Variants in TBCD observed in about 807,000 individuals in gnomAD.
TBCD encodes tubulin-specific chaperone D.
A neutral mutation model predicts 169.3 loss-of-function variants in TBCD; 105 were observed. The ratio of observed to expected loss-of-function variants is 0.62; its 90% CI spans 0.53 to 0.73. The LOEUF (loss-of-function observed/expected upper bound fraction) is 0.73. Ranked by LOEUF, TBCD falls within the 30% of genes least tolerant of loss-of-function variation. TBCD has a pLI of 0.00. For synonymous variants in TBCD, 700 were observed against 643.9 expected, an observed-to-expected ratio of 1.09 and a Z score of -1.32; for missense variants, 1,444 against 1,600.1, an observed-to-expected ratio of 0.90 and a Z score of 1.66.
At chr17:82,937,934 T>C (rs776120130) in intron 35 of TBCD, 115 bp from the exon 36 acceptor site, 1 of 1,544,430 alleles carries the variant, frequency 6.5e-7, no homozygotes, top group South Asian at 1.2e-5. Context: ...AGGCCCGCAC[T>C]GTGCTCACGG....
chr17:82,861,436 G>A (rs2056759192), intron 13 of TBCD, among the ~76,000 whole-genome samples: 1 of 152,224 alleles, frequency 6.6e-6, no homozygotes, highest in African/African-American at 2.4e-5. Context: ...TTGGGGGATG[G>A]ATCAGTGGAT....
chr17:82,821,906 T>A (rs1394045501), intron 13 of TBCD, among the ~76,000 whole-genome samples: 2 of 152,194 alleles, frequency 1.3e-5, no homozygotes. Context: ...TTCGAAAAAA[T>A]TTTAATAAAC....
In TBCD at chr17:82,816,425, G is replaced by A. The variant is rs185937033; in HGVS notation, c.1318+1491G>A. 9.2e-5 allele frequency among the ~76,000 whole-genome samples: 14 copies of A among 152,284 alleles called. No individual in the cohort carries two copies. The East Asian group carries it at 1.7e-3, about 19-fold the overall frequency. On this transcript the variant is annotated intron_variant, in intron 13 of 38. Transcript: ENST00000355528. ...ATGCTGGGTCATACGGTAACTCCAC[G>A]TTTAACTTTCTAAGAACCTGCCAAA...
intron 13 of TBCD, among the ~76,000 whole-genome samples, chr17:82,863,467 A>G (rs555485505): frequency 1.2e-4 from 18 of 152,294 alleles, no homozygotes; most frequent in African/African-American, 4.1e-4. Context: ...AAAAATTGCA[A>G]ATGATCTGTG....
chr17:82,804,786 C>A (rs2050831571), intron 9 of TBCD, among the ~76,000 whole-genome samples: 1 of 152,198 alleles, frequency 6.6e-6, no homozygotes, highest in Admixed American at 6.5e-5. Flanking sequence ...CCAGGCCACA[C>A]CCCGTGTGAG....
chr17:82,924,767 TTC>T (rs1351743699), intron 26 of TBCD, among the ~76,000 whole-genome samples, 170 bp from the exon 27 acceptor site: 1 of 151,910 alleles, frequency 6.6e-6, no homozygotes, highest in Non-Finnish European at 1.5e-5. Context: ...AAAATTCTCT[TTC>T]TGATTCCTAT....
Position 82,797,962 on chromosome 17 carries a change from C to CTTTTTTTTTTTTTTTT in TBCD, c.817+177_817+192dup, listed in dbSNP as rs60671571. 6.1e-5 allele frequency among the ~76,000 whole-genome samples: 3 copies of CTTTTTTTTTTTTTTTT among 49,042 alleles called. 1 individual carries two copies. Among genetic ancestry groups the CTTTTTTTTTTTTTTTT allele is most frequent in the Non-Finnish European group, 1.1e-4 (3 of 27,258 alleles). 32.2% of individuals were successfully genotyped at this position (49,042 alleles called of 152,430 possible). A position where few individuals can be genotyped will look rare whatever the true frequency, so the allele number is the denominator to read the frequency against. ...TTTGTTGTGGGTTTTAGTAACTGAACTTTTTTTTTTTTTTTTTTTTTTTTT... is the reference window on the plus strand; with the variant it reads ...TTTGTTGTGGGTTTTAGTAACTGAACTTTTTTTTTTTTTTTTTTTTTTTTTTTTTTTTTTTTTTTTT... On this transcript the variant is annotated intron_variant, in intron 8 of 38. Coordinates refer to ENST00000355528, the MANE Select transcript of TBCD (RefSeq NM_005993.5).
chr17:82,799,617 C>T (rs2050355589), intron 8 of TBCD, among the ~76,000 whole-genome samples: 1 of 152,204 alleles, frequency 6.6e-6, no homozygotes, highest in South Asian at 2.1e-4. Context: ...CTGTTTCATC[C>T]CTGCACCGCA....
intron 13 of TBCD, among the ~76,000 whole-genome samples, chr17:82,863,946 C>A (rs1163744440): frequency 6.6e-6 from 1 of 152,220 alleles, no homozygotes; most frequent in Non-Finnish European, 1.5e-5. Context: ...CAGCGGCAGT[C>A]CGACGTGCAG....
chr17:82,860,913 C>T (rs1234382083), intron 13 of TBCD, among the ~76,000 whole-genome samples: 3 of 152,184 alleles, frequency 2.0e-5, no homozygotes, highest in East Asian at 3.8e-4. Flanking sequence ...GGACACAGGG[C>T]GGCCACCGCA....
intron 34 of TBCD, among the ~76,000 whole-genome samples, chr17:82,936,591 T>G (rs2062654679): frequency 6.6e-6 from 1 of 152,218 alleles, no homozygotes; most frequent in Non-Finnish European, 1.5e-5. Context: ...GGACCTTAGT[T>G]TGCCTTTTCT....
intron 13 of TBCD, chr17:82,830,165 G>A: frequency 3.7e-6 from 6 of 1,614,110 alleles, no homozygotes; most frequent in Non-Finnish European, 5.1e-6. Flanking sequence ...GCCCTCCTTC[G>A]TAGTGTGAAC....
chr17:82,851,329 T>C (rs1208802934), intron 13 of TBCD, among the ~76,000 whole-genome samples: 1 of 152,142 alleles, frequency 6.6e-6, no homozygotes, highest in Non-Finnish European at 1.5e-5. Flanking sequence ...ATCTAAAATT[T>C]TGGGATGCAG....
rs1446221417 is a variant in TBCD at position 82,872,165 on chromosome 17, C to G, written c.1475+1785C>G. Among the ~76,000 whole-genome samples the G allele has an allele frequency of 2.0e-5, 3 of 152,232 alleles. No homozygotes were observed. The East Asian group carries it at 5.8e-4, about 29-fold the overall frequency. ...CTGAGAGGAGCCGAGGGTCCTCCTC[C>G]TATCCAGGGAGACCGTGTGTTTCCC... is the stretch of plus-strand genomic sequence containing the variant. On this transcript the variant is annotated intron_variant, in intron 14 of 38. Coordinates refer to ENST00000355528, the MANE Select transcript of TBCD (RefSeq NM_005993.5).
At chr17:82,830,770 T>C in intron 13 of TBCD, 1 of 1,612,368 alleles carries the variant, frequency 6.2e-7, no homozygotes, top group Non-Finnish European at 8.5e-7. Flanking sequence ...CTTGGAGAGG[T>C]TGAGGGGGCC....
chr17:82,753,221 T>TG (rs1192166795), intron 1 of TBCD, among the ~76,000 whole-genome samples: 2 of 152,098 alleles, frequency 1.3e-5, no homozygotes, highest in Non-Finnish European at 2.9e-5. Flanking sequence ...TCAGGCAGGG[T>TG]GGGGGGCCTT....
At chr17:82,834,586 G>A (rs1682262494) in intron 13 of TBCD, among the ~76,000 whole-genome samples, 1 of 152,156 alleles carries the variant, frequency 6.6e-6, no homozygotes, top group African/African-American at 2.4e-5. Context: ...GATGGAGCTG[G>A]AAGCCAGCAT....
intron 17 of TBCD, 184 bp from the exon 18 acceptor site, chr17:82,900,467 G>A (rs1214495919): frequency 6.9e-6 from 4 of 577,278 alleles, no homozygotes; most frequent in Non-Finnish European, 1.2e-5. Flanking sequence ...TTTGTGTAAA[G>A]CCCGTGTGTG....
At chr17:82,813,258 CTT>C (rs2051588314) in intron 12 of TBCD, among the ~76,000 whole-genome samples, 1 of 152,182 alleles carries the variant, frequency 6.6e-6, no homozygotes, top group African/African-American at 2.4e-5. Context: ...CTGCGACACT[CTT>C]TACCCGCCTC....
Sources: allele counts gnomAD v4.1 joint callset (sites outside exome capture counted in the v4.1 genomes callset), GRCh38; gene constraint gnomAD v4.1.1; transcripts MANE v1.5; gene names NCBI Gene and HGNC (gene_info 2026-07-23, HGNC 2026-07-21).